Variants in QPCT observed in about 807,000 individuals in gnomAD.
QPCT encodes glutaminyl-peptide cyclotransferase, also known as EC.
Under a neutral mutation model 43.4 loss-of-function variants are expected in QPCT, and 44 were observed. The ratio of observed to expected loss-of-function variants is 1.01; its 90% CI spans 0.80 to 1.30. QPCT has a LOEUF of 1.30. Among genes scored for constraint, QPCT ranks in the 50% most tolerant of loss-of-function variants. The pLI is 0.00. For synonymous variants in QPCT, 168 were observed against 168.4 expected, an observed-to-expected ratio of 1.00 and a Z score of 0.02; for missense variants, 526 against 436.5, an observed-to-expected ratio of 1.21 and a Z score of -1.83.
chr2:37,369,641 C>A, intron 4 of QPCT, 44 bp from the exon 5 acceptor site: 2 of 1,403,438 alleles, frequency 1.4e-6, no homozygotes, highest in Non-Finnish European at 2.0e-6. Context: ...GAATATAAAA[C>A]ACGTTTTGGT....
chr2:37,357,501 G>C (rs1391261851), intron 2 of QPCT, among the ~76,000 whole-genome samples: 1 of 152,130 alleles, frequency 6.6e-6, no homozygotes, highest in Non-Finnish European at 1.5e-5. Flanking sequence ...ATAGCCTACT[G>C]TGAGCAAAGC....
At chr2:37,368,669 TCATTCATTCACTTG>T in intron 4 of QPCT, 1 of 471,152 alleles carries the variant, frequency 2.1e-6, no homozygotes, top group Non-Finnish European at 4.4e-6. Flanking sequence ...GGTCAGCATA[TCATTCATTCACTTG>T]TGCCCAAGTG....
chr2:37,350,787 G>T (rs950741338), intron 1 of QPCT, among the ~76,000 whole-genome samples: 2 of 152,178 alleles, frequency 1.3e-5, no homozygotes, highest in African/African-American at 4.8e-5. Flanking sequence ...TGGCTCTTTA[G>T]TGTTTGATAG....
chr2:37,345,230 C>T (rs1436777602), intron 1 of QPCT, among the ~76,000 whole-genome samples: 1 of 152,198 alleles, frequency 6.6e-6, no homozygotes, highest in Admixed American at 6.5e-5. Context: ...GCCGGCGCTC[C>T]GGGGCCGCTA....
Position 37,365,432 on chromosome 2 carries a change from C to T in QPCT, c.547-1800C>T, listed in dbSNP as rs558332203. On this transcript the variant is annotated intron_variant, in intron 3 of 6. Coordinates refer to ENST00000338415, the MANE Select transcript of QPCT (RefSeq NM_012413.4). ...TCTTGACAAGAGCAGTTTCAGTACA[C>T]GGTGGAGATAAAACCCAACTGGGCT... Among the ~76,000 whole-genome samples, 35 of 152,268 alleles carry T rather than the reference C, an allele frequency of 2.3e-4. No homozygotes were observed. The South Asian group carries it at 2.5e-3, about 11-fold the overall frequency.
rs114110819 is a variant in QPCT, at chr2:37,344,740, C to T, written c.9C>T (p.Gly3=). 3 of 1,602,310 alleles carry T rather than the reference C, an allele frequency of 1.9e-6. No individual in the cohort carries two copies. In the African/African-American group the frequency reaches 4.0e-5, roughly 22 times the overall value. The change falls in exon 1 of 7, where the codon GGC becomes GGT. Residue 3 remains glycine, a synonymous_variant. Transcript: ENST00000338415. MA[G]GRHRRVVGTL... is the part of the protein sequence containing the mutation. Reference sequence around the variant, plus strand: ...CAGACAGACTCGGAGAGATGGCAGGCGGAAGACACCGGCGCGTCGTGGGCA... The same window carrying T: ...CAGACAGACTCGGAGAGATGGCAGGTGGAAGACACCGGCGCGTCGTGGGCA...
chr2:37,371,093 G>A (rs1673064077), intron 5 of QPCT, among the ~76,000 whole-genome samples: 1 of 152,072 alleles, frequency 6.6e-6, no homozygotes, highest in Non-Finnish European at 1.5e-5. Context: ...TTAGGTGCAT[G>A]TCATTGACAA....
chr2:37,372,678 A>G lies in QPCT; in HGVS notation c.941-4A>G, dbSNP rs1363705432. ...ATTGTTACAAGTTGGTTCTTTCTTAATAGGTGTTCCAGTTCTGCATCTGAT... is the reference window on the plus strand; with the variant it reads ...ATTGTTACAAGTTGGTTCTTTCTTAGTAGGTGTTCCAGTTCTGCATCTGAT... On this transcript the variant is annotated splice_polypyrimidine_tract_variant and splice_region_variant and intron_variant, in intron 6 of 6. Transcript: ENST00000338415. The G allele has an allele frequency of 1.2e-6, 2 of 1,611,302 alleles. No homozygotes were observed. The highest frequency in any genetic ancestry group is 8.5e-7 in the Non-Finnish European group (1 of 1,178,964).
At position 37,369,778 on chromosome 2, in the gene QPCT, G is replaced by C; in HGVS notation, c.817G>C (p.Ala273Pro). ...NSARWFERLQ[A>P]IEHELHELGL... Reference sequence around the variant, plus strand: ...AGCCAGGTGGTTCGAAAGACTTCAAGCAATTGGTAAGCACCACTGTTATTA... The same window carrying C: ...AGCCAGGTGGTTCGAAAGACTTCAACCAATTGGTAAGCACCACTGTTATTA... The change falls in exon 5 of 7, where the codon GCA becomes CCA. Residue 273 changes from alanine (A) to proline (P), a missense_variant. By Grantham distance (27) the Ala-to-Pro change is conservative. Coordinates refer to ENST00000338415, the MANE Select transcript of QPCT (RefSeq NM_012413.4). 1 of 1,572,820 alleles carries C rather than the reference G, an allele frequency of 6.4e-7. No individual in the cohort carries two copies. The highest frequency in any genetic ancestry group is 2.2e-5 in the East Asian group (1 of 44,682).
At chr2:37,365,792 G>A (rs181965437) in intron 3 of QPCT, among the ~76,000 whole-genome samples, 1 of 152,300 alleles carries the variant, frequency 6.6e-6, no homozygotes, top group Admixed American at 6.5e-5. Flanking sequence ...AGATGGGTGA[G>A]GTGGCAGGGA....
At chr2:37,352,991 G>A (rs1424201992) in intron 2 of QPCT, 56 bp downstream of exon 2, 7 of 1,561,850 alleles carry the variant, frequency 4.5e-6, no homozygotes, top group Admixed American at 1.8e-5. Context: ...TTTCTCATGA[G>A]GGATAATGTT....
In QPCT at chr2:37,344,748, A is replaced by T; in HGVS notation, c.17A>T (p.His6Leu). MAGGR[H>L]RRVVGTLHLL... ...CTCGGAGAGATGGCAGGCGGAAGAC[A>T]CCGGCGCGTCGTGGGCACCCTCCAC... Residue 6 changes from histidine to leucine, a missense_variant, in exon 1 of 7, where the codon CAC (histidine) becomes CTC (leucine). By Grantham distance (99) the His-to-Leu change is moderately conservative. Transcript: ENST00000338415. The T allele has an allele frequency of 6.2e-7, 1 of 1,605,298 alleles. No homozygotes were observed. Among genetic ancestry groups the T allele is most frequent in the Non-Finnish European group, 8.5e-7 (1 of 1,177,284 alleles).
chr2:37,344,816 G>T lies in QPCT; in HGVS notation c.85G>T (p.Val29Phe), dbSNP rs1478184283. 1 of 1,607,408 alleles carries T rather than the reference G, an allele frequency of 6.2e-7. No individual in the cohort carries two copies. Among genetic ancestry groups the T allele is most frequent in the South Asian group, 1.1e-5 (1 of 90,516 alleles). Reference sequence around the variant, plus strand: ...CGCCCTGCCCTGGGCATCCAGGGGGGTCAGTCCGAGTGCCTCAGCCTGGCC... The same window carrying T: ...CGCCCTGCCCTGGGCATCCAGGGGGTTCAGTCCGAGTGCCTCAGCCTGGCC... ...VAALPWASRG[V>F]SPSASAWPEE... The change falls in exon 1 of 7, where the codon GTC (valine) becomes TTC (phenylalanine). Residue 29 changes from valine (V) to phenylalanine (F), a missense_variant. Val to Phe is a conservative substitution (Grantham distance 50). Coordinates refer to ENST00000338415, the MANE Select transcript of QPCT (RefSeq NM_012413.4).
intron 3 of QPCT, among the ~76,000 whole-genome samples, chr2:37,365,538 G>A (rs1354325492): frequency 6.6e-6 from 1 of 152,180 alleles, no homozygotes; most frequent in Non-Finnish European, 1.5e-5. Context: ...TTACAAAATT[G>A]GGCAGTAGAT....
At chr2:37,351,393 T>C (rs1468882916) in intron 1 of QPCT, among the ~76,000 whole-genome samples, 1 of 152,246 alleles carries the variant, frequency 6.6e-6, no homozygotes, top group Non-Finnish European at 1.5e-5. Context: ...GGTTCATCAT[T>C]ACCAGTATCA....
intron 3 of QPCT, 76 bp downstream of exon 3, chr2:37,359,934 G>A: frequency 6.9e-7 from 1 of 1,454,542 alleles, no homozygotes; most frequent in Non-Finnish European, 9.4e-7. Context: ...AGAATCCTTG[G>A]AGGAATGAGA....
chr2:37,368,627 C>T, intron 4 of QPCT: 1 of 471,168 alleles, frequency 2.1e-6, no homozygotes, highest in Non-Finnish European at 4.4e-6. Flanking sequence ...TCCTGTTATC[C>T]ATTGGCAGCT....
chr2:37,372,976 A>T lies in QPCT; in HGVS notation c.*149A>T. 1.6e-6 allele frequency: 1 copy of T among 623,546 alleles called. No individual in the cohort carries two copies. The highest frequency in any genetic ancestry group is 3.2e-5 in the South Asian group (1 of 30,852). 38.6% of individuals were successfully genotyped at this position (623,546 alleles called of 1,614,324 possible). A position where few individuals can be genotyped will look rare whatever the true frequency, so the allele number is the denominator to read the frequency against. ...CTTATGTGTCTTTGGTTATCAGATC[A>T]ATTACAGAATAATTGTGTTGTGATA... On this transcript the variant is annotated 3_prime_UTR_variant, in exon 7 of 7. Coordinates refer to ENST00000338415, the MANE Select transcript of QPCT (RefSeq NM_012413.4).
At chr2:37,367,431 G>T in intron 4 of QPCT, 23 bp downstream of exon 4, 2 of 1,603,230 alleles carry the variant, frequency 1.2e-6, no homozygotes, top group East Asian at 2.2e-5. Context: ...AATTTCCCTA[G>T]CACTGTAGCT....
Sources: allele counts gnomAD v4.1 joint callset (sites outside exome capture counted in the v4.1 genomes callset), GRCh38; gene constraint gnomAD v4.1.1; transcripts MANE v1.5; gene names NCBI Gene and HGNC (gene_info 2026-07-23, HGNC 2026-07-21).